DDX4: variants seen among roughly 807,000 people sequenced by gnomAD.
DDX4 encodes the protein DEAD-box helicase 4.
Under a neutral mutation model 100.0 loss-of-function variants are expected in DDX4, and 25 were observed. That is an observed-to-expected ratio of 0.25 (90% confidence interval 0.18 to 0.35). DDX4 has a LOEUF of 0.35. Ranked by LOEUF, DDX4 falls within the 10% of genes least tolerant of loss-of-function variation. DDX4 has a pLI of 1.00. For synonymous variants in DDX4, 259 were observed against 275.7 expected, an observed-to-expected ratio of 0.94 and a Z score of 0.60; for missense variants, 635 against 882.4, an observed-to-expected ratio of 0.72 and a Z score of 3.55.
At position 55,784,304 on chromosome 5, in the gene DDX4, AAG is replaced by A. The variant is rs199863745; in HGVS notation, c.626-985_626-984del. ...GAGAAGAAGGGTGTCCCAGCTCCAG[AAG>A]AGAGAGAAAATTTGCCTTTCCTCTG... On this transcript the variant is annotated intron_variant, in intron 10 of 21. Coordinates refer to ENST00000505374, the MANE Select transcript of DDX4 (RefSeq NM_024415.3). Among the ~76,000 whole-genome samples the A allele has an allele frequency of 1.5e-3, 226 of 152,206 alleles. 5 individuals are homozygous for A. The East Asian group carries it at 0.038, about 25-fold the overall frequency.
rs771435941 is a variant in DDX4, at chr5:55,785,460, A to G, written c.687A>G (p.Ser229=). 1.9e-6 allele frequency: 3 copies of G among 1,609,118 alleles called. No individual in the cohort carries two copies. The highest frequency in any genetic ancestry group is 2.2e-5 in the East Asian group (1 of 44,752). Reference sequence around the variant, plus strand: ...ATCCTCTTCAAGATTCTTGGAAGTCAGAAGCAGAAGGAGGAGAAAGTAGTG... The same window carrying G: ...ATCCTCTTCAAGATTCTTGGAAGTCGGAAGCAGAAGGAGGAGAAAGTAGTG... ...ITGSGKNSWK[S]EAEGGESSDT... The change falls in exon 12 of 22, where the codon TCA becomes TCG. Residue 229 remains serine (S), a synonymous_variant. Coordinates refer to ENST00000505374, the MANE Select transcript of DDX4 (RefSeq NM_024415.3).
chr5:55,778,137 T>C (rs1741684338), intron 7 of DDX4, among the ~76,000 whole-genome samples: 1 of 152,182 alleles, frequency 6.6e-6, no homozygotes, highest in Non-Finnish European at 1.5e-5. Context: ...TCATGTTCTC[T>C]TATTAAAATA....
intron 17 of DDX4, among the ~76,000 whole-genome samples, chr5:55,793,068 T>TG (rs1476053442): frequency 1.2e-3 from 179 of 146,248 alleles, no homozygotes; most frequent in Admixed American, 8.9e-3. Flanking sequence ...GTGTGTGTTG[T>TG]TGTTGTTGTT....
intron 18 of DDX4, among the ~76,000 whole-genome samples, chr5:55,808,482 C>G (rs1385157156): frequency 2.0e-5 from 3 of 152,164 alleles, no homozygotes; most frequent in Admixed American, 2.0e-4. Context: ...TGGTGACGTA[C>G]AGATGGGGTT....
intron 3 of DDX4, among the ~76,000 whole-genome samples, chr5:55,748,600 T>G (rs1759371970): frequency 1.3e-5 from 2 of 152,164 alleles, no homozygotes; most frequent in Non-Finnish European, 2.9e-5. Flanking sequence ...GCTTACCTTC[T>G]TCTAGATAAC....
chr5:55,800,077 GCATATAAA>G (rs1743202279), intron 18 of DDX4, among the ~76,000 whole-genome samples: 1 of 152,030 alleles, frequency 6.6e-6, no homozygotes, highest in Admixed American at 6.6e-5. Context: ...TACACTAATA[GCATATAAA>G]AATAATAATA....
chr5:55,764,241 C>A (rs112023621), intron 6 of DDX4, among the ~76,000 whole-genome samples, 177 bp downstream of exon 6: 2 of 152,238 alleles, frequency 1.3e-5, no homozygotes, highest in African/African-American at 4.8e-5. Context: ...ATAAAGAATT[C>A]AGGCATCCTA....
chr5:55,816,545 A>G lies in DDX4; in HGVS notation c.*5A>G. 6.2e-7 allele frequency: 1 copy of G among 1,612,422 alleles called. No homozygotes were observed. Among genetic ancestry groups the G allele is most frequent in the South Asian group, 1.1e-5 (1 of 90,660 alleles). On this transcript the variant is annotated 3_prime_UTR_variant, in exon 22 of 22. Coordinates refer to ENST00000505374, the MANE Select transcript of DDX4 (RefSeq NM_024415.3). Reference sequence around the variant, plus strand: ...GATGATGAGTCATGGGATTAAAGCCAAAACATCCTTCAAGTCTGTGGTTTT... The same window carrying G: ...GATGATGAGTCATGGGATTAAAGCCGAAACATCCTTCAAGTCTGTGGTTTT...
chr5:55,768,969 T>G (rs1231237158), intron 7 of DDX4, among the ~76,000 whole-genome samples: 3 of 152,176 alleles, frequency 2.0e-5, no homozygotes, highest in Admixed American at 2.0e-4. Flanking sequence ...AACGGAGTTG[T>G]TTGTTTTTCT....
chr5:55,795,304 C>A lies in DDX4; in HGVS notation c.1469+2497C>A, dbSNP rs116713629. Reference sequence around the variant, plus strand: ...TAACTTCTTGGGGTGTTTGTTCTCCCAGATGAATGACTAGTAACTCACGTT... The same window carrying A: ...TAACTTCTTGGGGTGTTTGTTCTCCAAGATGAATGACTAGTAACTCACGTT... On this transcript the variant is annotated intron_variant, in intron 17 of 21. Transcript: ENST00000505374. 3.0e-3 allele frequency among the ~76,000 whole-genome samples: 454 copies of A among 152,294 alleles called. 4 individuals are homozygous for A. The highest frequency in any genetic ancestry group is 0.011 in the African/African-American group (441 of 41,548).
At chr5:55,742,175 A>AATAT in intron 2 of DDX4, 2 of 456,326 alleles carry the variant, frequency 4.4e-6, no homozygotes, top group South Asian at 3.1e-5. Context: ...GCAATTATAT[A>AATAT]GTCCAGAAAT....
chr5:55,787,655 A>T (rs1026238917), intron 14 of DDX4, among the ~76,000 whole-genome samples, 191 bp from the exon 15 acceptor site: 1 of 152,202 alleles, frequency 6.6e-6, no homozygotes, highest in East Asian at 1.9e-4. Flanking sequence ...CAAATTTTAT[A>T]TTGTATAATA....
In DDX4 at chr5:55,787,887, T is replaced by A. The variant is rs1301594046; in HGVS notation, c.1059T>A (p.Asp353Glu). ...LLPILAHMMHDGITASRFKEL... is the reference protein window; with the variant it reads ...LLPILAHMMHEGITASRFKEL... ...CAATTTTGGCTCATATGATGCATGA[T>A]GGAATAACTGCCAGTCGTTTTAAAG... The change falls in exon 15 of 22, where the codon GAT (aspartate) becomes GAA (glutamate). Residue 353 changes from aspartate (D) to glutamate (E), a missense_variant. Asp to Glu is a conservative substitution (Grantham distance 45, BLOSUM62 2). Transcript: ENST00000505374. 1 of 1,613,864 alleles carries A rather than the reference T, an allele frequency of 6.2e-7. No homozygotes were observed. The highest frequency in any genetic ancestry group is 1.3e-5 in the African/African-American group (1 of 74,914).
At chr5:55,801,052 T>G (rs1482647096) in intron 18 of DDX4, among the ~76,000 whole-genome samples, 1 of 152,072 alleles carries the variant, frequency 6.6e-6, no homozygotes, top group Non-Finnish European at 1.5e-5. Context: ...AAGGAACCAG[T>G]AAGATGTTAC....
intron 18 of DDX4, among the ~76,000 whole-genome samples, chr5:55,809,462 C>G (rs1743976592): frequency 6.6e-6 from 1 of 152,068 alleles, no homozygotes; most frequent in Non-Finnish European, 1.5e-5. Flanking sequence ...TGGCTCCACC[C>G]CTGATTAAGC....
intron 2 of DDX4, chr5:55,742,302 CTTG>C: frequency 2.2e-6 from 1 of 449,862 alleles, no homozygotes; most frequent in Non-Finnish European, 4.5e-6. Context: ...TGTGAGGCCT[CTTG>C]TTAACTGACC....
chr5:55,815,408 A>G lies in DDX4; in HGVS notation c.2082A>G (p.Ser694=). The G allele has an allele frequency of 6.2e-7, 1 of 1,611,466 alleles. No homozygotes were observed. The highest frequency in any genetic ancestry group is 8.5e-7 in the Non-Finnish European group (1 of 1,179,468). Residue 694 remains serine (S), a synonymous_variant, in exon 21 of 22, where the codon TCA becomes TCG. Coordinates refer to ENST00000505374, the MANE Select transcript of DDX4 (RefSeq NM_024415.3). ...SGSTRGNVFA[S]VDTRKGKSTL... Reference sequence around the variant, plus strand: ...GTACAAGAGGAAACGTGTTTGCATCAGTTGATACCAGAAAGGTTAGTAGAA... The same window carrying G: ...GTACAAGAGGAAACGTGTTTGCATCGGTTGATACCAGAAAGGTTAGTAGAA...
In DDX4 at chr5:55,786,657, G is replaced by A; in HGVS notation, c.1004G>A (p.Gly335Glu). The A allele has an allele frequency of 6.2e-7, 1 of 1,613,070 alleles. No homozygotes were observed. Among genetic ancestry groups the A allele is most frequent in the Non-Finnish European group, 8.5e-7 (1 of 1,179,302 alleles). The change falls in exon 14 of 22, where the codon GGG (glycine) becomes GAG (glutamate). Residue 335 changes from glycine to glutamate, a missense_variant. Physicochemically the swap from Gly to Glu is moderately conservative, Grantham distance 98 (BLOSUM62 -2). This residue lies in a region of DDX4 where 446 missense variants were observed against 540.8 expected (regional missense o/e 0.82). Transcript: ENST00000505374. ...GATTTGATGGCTTGCGCTCAAACAG[G>A]GTCTGGGAAGACTGTAAGTCTTTCC... The part of the protein sequence containing the change: ...GRDLMACAQT[G>E]SGKTAAFLLP...
intron 6 of DDX4, among the ~76,000 whole-genome samples, 190 bp downstream of exon 6, chr5:55,764,254 T>C (rs1304532203): frequency 6.6e-6 from 1 of 152,164 alleles, no homozygotes; most frequent in Non-Finnish European, 1.5e-5. Flanking sequence ...GCATCCTAAT[T>C]TGGCCTGTTG....
Sources: gnomAD v4.1 joint callset for allele counts (sites outside exome capture counted in the v4.1 genomes callset) on GRCh38, gnomAD v4.1.1 for gene constraint, gnomAD v4.1.1 regional missense constraint, MANE v1.5 for transcripts, NCBI Gene and HGNC (gene_info 2026-07-23, HGNC 2026-07-21) for gene names.